CCSER1: variants seen among roughly 807,000 people sequenced by gnomAD.
The protein encoded by CCSER1 is serine-rich coiled-coil domain-containing protein 1.
Under a neutral mutation model 82.0 loss-of-function variants are expected in CCSER1, and 41 were observed. The observed-to-expected ratio is 0.50, with a 90% confidence interval of 0.39 to 0.65. The LOEUF (loss-of-function observed/expected upper bound fraction) is 0.65. Among genes scored for constraint, CCSER1 ranks in the 30% least tolerant of loss-of-function variants. The probability of loss-of-function intolerance (pLI) is 0.00; values close to 1 mark genes in which losing one functional copy is unlikely to be tolerated. For synonymous variants in CCSER1, 414 were observed against 383.9 expected, an observed-to-expected ratio of 1.08 and a Z score of -0.92; for missense variants, 1,119 against 1,064.2, an observed-to-expected ratio of 1.05 and a Z score of -0.72.
intron 9 of CCSER1, among the ~76,000 whole-genome samples, chr4:90,940,142 A>G (rs1393015025): frequency 2.6e-5 from 4 of 152,174 alleles, no homozygotes; most frequent in South Asian, 4.1e-4. Context: ...AAGTAAGTCA[A>G]TAAAGAAAGG....
chr4:91,116,194 C>T (rs903348612), intron 10 of CCSER1, among the ~76,000 whole-genome samples: 2 of 152,024 alleles, frequency 1.3e-5, no homozygotes, highest in African/African-American at 4.8e-5. Context: ...CAATGATAGA[C>T]TGGATTAAGA....
intron 10 of CCSER1, among the ~76,000 whole-genome samples, chr4:91,319,298 A>G (rs1746035377): frequency 6.6e-6 from 1 of 152,046 alleles, no homozygotes; most frequent in Admixed American, 6.6e-5. Flanking sequence ...TGCCTCCCAG[A>G]GAATGAAGTG....
chr4:90,206,456 C>T (rs1265923151), intron 1 of CCSER1, among the ~76,000 whole-genome samples: 2 of 152,042 alleles, frequency 1.3e-5, no homozygotes, highest in Non-Finnish European at 2.9e-5. Flanking sequence ...TCATTATTTA[C>T]CCAGCAGTCT....
intron 5 of CCSER1, among the ~76,000 whole-genome samples, chr4:90,519,301 T>G (rs886477091): frequency 6.6e-6 from 1 of 151,844 alleles, no homozygotes; most frequent in Non-Finnish European, 1.5e-5. Flanking sequence ...AGAAATAATA[T>G]AAGTAAATAA....
rs144748497 is a variant in CCSER1 at position 90,177,022 on chromosome 4, C to T, written c.-42+49191C>T. Among the ~76,000 whole-genome samples, 818 of 152,136 alleles carry T rather than the reference C, an allele frequency of 5.4e-3. 9 individuals are homozygous for T. Among genetic ancestry groups the T allele is most frequent in the African/African-American group, 0.019 (786 of 41,522 alleles). On this transcript the variant is annotated intron_variant, in intron 1 of 10. Coordinates refer to ENST00000509176, the MANE Select transcript of CCSER1 (RefSeq NM_001145065.2). Reference sequence around the variant, plus strand: ...TGTATTGGTCCTTGAAGCAATGAATCAGAGCTAAAGTGACAGACTTTACCA... The same window carrying T: ...TGTATTGGTCCTTGAAGCAATGAATTAGAGCTAAAGTGACAGACTTTACCA...
At chr4:90,560,735 T>C (rs7693747) in intron 5 of CCSER1, among the ~76,000 whole-genome samples, 37,545 of 152,042 alleles carry the variant, frequency 0.25, 5,081 homozygotes, top group East Asian at 0.5. Flanking sequence ...TTGAGCAACA[T>C]TAATAATAAT....
intron 10 of CCSER1, among the ~76,000 whole-genome samples, chr4:91,235,650 AT>A (rs1313850908): frequency 2.0e-5 from 3 of 151,202 alleles, no homozygotes; most frequent in Non-Finnish European, 3.0e-5. Context: ...GGGCAGCCTC[AT>A]TTTTTTTTAA....
intron 9 of CCSER1, among the ~76,000 whole-genome samples, chr4:91,080,066 C>T (rs774052620): frequency 6.6e-6 from 1 of 152,132 alleles, no homozygotes; most frequent in Non-Finnish European, 1.5e-5. Flanking sequence ...ACCAAGCAGA[C>T]CTCATAGACA....
At chr4:91,260,906 G>A (rs776108844) in intron 10 of CCSER1, among the ~76,000 whole-genome samples, 9 of 151,936 alleles carry the variant, frequency 5.9e-5, no homozygotes, top group Non-Finnish European at 1.0e-4. Context: ...GACTACAGGC[G>A]CCCGCTACCA....
intron 10 of CCSER1, among the ~76,000 whole-genome samples, chr4:91,112,041 C>T (rs576327433): frequency 1.3e-5 from 2 of 152,112 alleles, no homozygotes; most frequent in African/African-American, 4.8e-5. Flanking sequence ...GTGGGGAAAG[C>T]ACTTTATAGC....
intron 5 of CCSER1, among the ~76,000 whole-genome samples, chr4:90,537,516 A>T (rs947669180): frequency 1.3e-5 from 2 of 151,802 alleles, no homozygotes; most frequent in Non-Finnish European, 2.9e-5. Flanking sequence ...TTTGTTTGTA[A>T]ATTTTGAATT....
chr4:91,181,760 C>A (rs895088135), intron 10 of CCSER1, among the ~76,000 whole-genome samples: 1 of 152,152 alleles, frequency 6.6e-6, no homozygotes, highest in Non-Finnish European at 1.5e-5. Context: ...CAAGTACGTT[C>A]ATTTTTTCTA....
chr4:90,882,033 A>G (rs1410377213), intron 8 of CCSER1, among the ~76,000 whole-genome samples: 8 of 152,102 alleles, frequency 5.3e-5, no homozygotes, highest in East Asian at 1.9e-4. Context: ...ATTTCAAAGA[A>G]TAGAAAATTA....
At chr4:90,573,146 G>A (rs1160416301) in intron 5 of CCSER1, among the ~76,000 whole-genome samples, 2 of 152,244 alleles carry the variant, frequency 1.3e-5, no homozygotes, top group Non-Finnish European at 2.9e-5. Context: ...GCTCAGGGAA[G>A]CTGTGGCCAA....
intron 10 of CCSER1, among the ~76,000 whole-genome samples, chr4:91,458,350 G>A (rs188754234): frequency 1.3e-5 from 2 of 152,124 alleles, no homozygotes; most frequent in Admixed American, 1.3e-4. Flanking sequence ...TTTCTCTCTG[G>A]GTTCTCTCTT....
chr4:90,236,195 T>C (rs895040003), intron 1 of CCSER1, among the ~76,000 whole-genome samples: 1 of 152,204 alleles, frequency 6.6e-6, no homozygotes, highest in African/African-American at 2.4e-5. Context: ...TCGCAAAATG[T>C]TGGGATGACA....
At chr4:91,387,848 C>A (rs1578336056) in intron 10 of CCSER1, among the ~76,000 whole-genome samples, 2 of 152,034 alleles carry the variant, frequency 1.3e-5, no homozygotes, top group African/African-American at 4.8e-5. Context: ...TTAAATTAAA[C>A]TTAAAAGACA....
Position 90,628,163 on chromosome 4 carries a change from C to G in CCSER1, c.1863C>G (p.Phe621Leu), listed in dbSNP as rs1723674884. Residue 621 changes from phenylalanine (F) to leucine (L), a missense_variant, in exon 6 of 11, where the codon TTC becomes TTG. By Grantham distance (22) the Phe-to-Leu change is conservative (BLOSUM62 0). Coordinates refer to ENST00000509176, the MANE Select transcript of CCSER1 (RefSeq NM_001145065.2). Reference sequence around the variant, plus strand: ...ACGGAGGCATAGATTCTCTGCCATTCAGACTGATGTTACAGGACTGCACGG... The same window carrying G: ...ACGGAGGCATAGATTCTCTGCCATTGAGACTGATGTTACAGGACTGCACGG... ...EENGGIDSLPFRLMLQDCTAV... is the reference protein window; with the variant it reads ...EENGGIDSLPLRLMLQDCTAV... 1 of 1,613,788 alleles carries G rather than the reference C, an allele frequency of 6.2e-7. No homozygotes were observed. The highest frequency in any genetic ancestry group is 1.7e-5 in the Admixed American group (1 of 60,022).
intron 5 of CCSER1, among the ~76,000 whole-genome samples, chr4:90,547,109 G>T (rs146649568): frequency 6.6e-6 from 1 of 151,740 alleles, no homozygotes; most frequent in East Asian, 1.9e-4. Flanking sequence ...ATACATTAGC[G>T]GATAAATTCA....
Sources: gnomAD v4.1 joint callset for allele counts (sites outside exome capture counted in the v4.1 genomes callset) on GRCh38, gnomAD v4.1.1 for gene constraint, MANE v1.5 for transcripts, NCBI Gene and HGNC (gene_info 2026-07-23, HGNC 2026-07-21) for gene names.